PCDH17: variants seen among roughly 807,000 people sequenced by gnomAD.
The protein encoded by PCDH17 is protocadherin 17.
Under a neutral mutation model 67.7 loss-of-function variants are expected in PCDH17, and 21 were observed. That is an observed-to-expected ratio of 0.31 (90% CI 0.22 to 0.45). PCDH17 has a LOEUF of 0.45. Among genes scored for constraint, PCDH17 ranks in the 20% least tolerant of loss-of-function variants. The pLI is 1.00. For missense variants in PCDH17, 1,471 were observed against 1,564.8 expected, an observed-to-expected ratio of 0.94 and a Z score of 1.01; for synonymous variants, 701 against 656.7, an observed-to-expected ratio of 1.07 and a Z score of -1.03.
chr13:57,721,836 A>T (rs769583974), intron 3 of PCDH17, among the ~76,000 whole-genome samples: 1 of 151,618 alleles, frequency 6.6e-6, no homozygotes, highest in East Asian at 2.0e-4. Flanking sequence ...CCAGTCATTC[A>T]TTGTATATTA....
At chr13:57,667,678 A>G (rs1446010670) in intron 3 of PCDH17, among the ~76,000 whole-genome samples, 3 of 151,528 alleles carry the variant, frequency 2.0e-5, no homozygotes, top group Non-Finnish European at 4.4e-5. Context: ...ATGAGAAACT[A>G]CATTTAAAAT....
rs1227030943 is a variant in PCDH17 at position 57,632,530 on chromosome 13, C to T, written c.-17C>T. ...CCTCCAGTCCGATTGCTCCTGCCCC[C>T]ACCTTACAGGTCTGGGATGTACCTT... On this transcript the variant is annotated 5_prime_UTR_variant, in exon 1 of 4. Transcript: ENST00000377918. 6 of 1,608,540 alleles carry T rather than the reference C, an allele frequency of 3.7e-6. No homozygotes were observed. The highest frequency in any genetic ancestry group is 1.7e-5 in the Admixed American group (1 of 59,136).
intron 1 of PCDH17, among the ~76,000 whole-genome samples, chr13:57,653,767 C>T (rs1470695695): frequency 6.6e-6 from 1 of 152,128 alleles, no homozygotes; most frequent in Non-Finnish European, 1.5e-5. Context: ...CCGGTATTTA[C>T]TCTTACACTA....
rs1220385706 is a variant in PCDH17 at position 57,634,855 on chromosome 13, T to A, written c.2309T>A (p.Val770Glu). Residue 770 changes from valine to glutamate, a missense_variant, in exon 1 of 4, where the codon GTG (valine) becomes GAG (glutamate). This residue lies in a region of PCDH17 where 1,163 missense variants were observed against 1,230.0 expected (regional missense o/e 0.95). Coordinates refer to ENST00000377918, the MANE Select transcript of PCDH17 (RefSeq NM_001040429.3). The surrounding 1 kb of genome is among the most constrained non-coding windows in gnomAD (Gnocchi z 7.8). ...KKINKNDIML[V>E]QSEVEERNAM... ...ATCAACAAAAATGATATCATGCTGG[T>A]GCAGAGCGAAGTGGAGGAGAGGAAC... The A allele has an allele frequency of 6.2e-7, 1 of 1,614,046 alleles. No homozygotes were observed. The highest frequency in any genetic ancestry group is 1.7e-5 in the Admixed American group (1 of 60,006).
chr13:57,630,594 C>T (rs1204624994), upstream of PCDH17, among the ~76,000 whole-genome samples: 3 of 152,170 alleles, frequency 2.0e-5, no homozygotes, highest in Admixed American at 6.5e-5. Context: ...TAAACCAATA[C>T]ACCTAGCAAA....
At chr13:57,702,328 T>C (rs1217560091) in intron 3 of PCDH17, among the ~76,000 whole-genome samples, 1 of 152,026 alleles carries the variant, frequency 6.6e-6, no homozygotes, top group Admixed American at 6.6e-5. Context: ...TTTTCTTGAT[T>C]TGCCCACCGA....
At chr13:57,671,319 CT>C (rs1055494546) in intron 3 of PCDH17, among the ~76,000 whole-genome samples, 3 of 150,094 alleles carry the variant, frequency 2.0e-5, no homozygotes, top group South Asian at 2.1e-4. Context: ...ATATCTGATC[CT>C]TTTTTTTAAT....
intron 1 of PCDH17, among the ~76,000 whole-genome samples, chr13:57,643,647 T>C (rs1223241346): frequency 6.6e-6 from 1 of 151,602 alleles, no homozygotes; most frequent in Non-Finnish European, 1.5e-5. Context: ...ATAAGAGCAG[T>C]TATAAGTCAT....
chr13:57,630,458 C>A (rs1202155220), upstream of PCDH17, among the ~76,000 whole-genome samples: 1 of 151,902 alleles, frequency 6.6e-6, no homozygotes, highest in Admixed American at 6.6e-5. Context: ...AACTATGATG[C>A]GAGGCTAAGC....
chr13:57,714,371 G>A (rs1464865471), intron 3 of PCDH17, among the ~76,000 whole-genome samples: 2 of 151,660 alleles, frequency 1.3e-5, no homozygotes, highest in Non-Finnish European at 3.0e-5. Context: ...CTTACAATGA[G>A]TTTGGTTTAA....
intron 3 of PCDH17, among the ~76,000 whole-genome samples, chr13:57,704,926 A>G (rs1449070194): frequency 6.6e-6 from 1 of 152,014 alleles, no homozygotes; most frequent in African/African-American, 2.4e-5. Context: ...TCATGTGTAT[A>G]TGTGTATGTA....
intron 1 of PCDH17, among the ~76,000 whole-genome samples, chr13:57,641,424 GA>G (rs917949347): frequency 1.4e-5 from 2 of 147,308 alleles, no homozygotes; most frequent in African/African-American, 2.5e-5. Flanking sequence ...CAAAAAAAAA[GA>G]AAAAAAACAC....
intron 3 of PCDH17, among the ~76,000 whole-genome samples, chr13:57,696,970 T>C (rs1277310174): frequency 6.6e-6 from 1 of 151,658 alleles, no homozygotes; most frequent in African/African-American, 2.4e-5. Flanking sequence ...TGGTTTGTTT[T>C]AAATAATTCT....
At chr13:57,680,839 CAA>C (rs1395744503) in intron 3 of PCDH17, among the ~76,000 whole-genome samples, 1 of 151,600 alleles carries the variant, frequency 6.6e-6, no homozygotes, top group Non-Finnish European at 1.5e-5. Context: ...TGATGATACC[CAA>C]AGTTGATTTT....
chr13:57,716,214 A>G (rs559447400), intron 3 of PCDH17, among the ~76,000 whole-genome samples: 2 of 152,094 alleles, frequency 1.3e-5, no homozygotes, highest in South Asian at 4.2e-4. Context: ...TGACTTTCCA[A>G]TCAACCACCG....
At chr13:57,637,310 A>G (rs1013449565) in intron 1 of PCDH17, among the ~76,000 whole-genome samples, 4 of 151,864 alleles carry the variant, frequency 2.6e-5, no homozygotes, top group African/African-American at 7.3e-5. Context: ...ACTTTTTTTT[A>G]ATTCAGTTTT....
intron 3 of PCDH17, among the ~76,000 whole-genome samples, chr13:57,694,248 A>T (rs994395738): frequency 1.3e-5 from 2 of 151,242 alleles, no homozygotes; most frequent in Admixed American, 6.6e-5. Context: ...AATGGACCTG[A>T]GTTCTGTTTG....
At position 57,634,059 on chromosome 13, in the gene PCDH17, G is replaced by C; in HGVS notation, c.1513G>C (p.Gly505Arg). ...CCAGGATCCCGACCTGGGCCAGAAC[G>C]GCACCGTATCCTACTCTATCCTGCC... ...LAQDPDLGQN[G>R]TVSYSILPSH... Residue 505 changes from glycine to arginine, a missense_variant, in exon 1 of 4, where the codon GGC becomes CGC. Transcript: ENST00000377918. This position sits in a 1 kb window ranked among gnomAD's most constrained non-coding sequence, Gnocchi z 7.8. The C allele has an allele frequency of 1.2e-6, 2 of 1,613,350 alleles. No homozygotes were observed. The highest frequency in any genetic ancestry group is 1.7e-6 in the Non-Finnish European group (2 of 1,180,018).
chr13:57,635,184 A>T (rs1954806986), intron 1 of PCDH17, 73 bp downstream of exon 1: 2 of 1,467,226 alleles, frequency 1.4e-6, no homozygotes, highest in East Asian at 4.7e-5. Flanking sequence ...CCTTTGGAAC[A>T]GGGCAAGCCA....
Sources: allele counts gnomAD v4.1 joint callset (sites outside exome capture counted in the v4.1 genomes callset), GRCh38; gene constraint gnomAD v4.1.1; regional missense constraint gnomAD v4.1.1; non-coding constraint Gnocchi (gnomAD v3.1); transcripts MANE v1.5; gene names NCBI Gene and HGNC (gene_info 2026-07-23, HGNC 2026-07-21).